Variants in LIPA observed in about 807,000 individuals in gnomAD.
LIPA encodes lipase A, lysosomal acid type, also known as lysosomal acid lipase/cholesteryl ester hydrolase.
LIPA carries 26 observed loss-of-function variants against 40.6 expected under a neutral mutation model. That is an observed-to-expected ratio of 0.64 (90% CI 0.47 to 0.89). The LOEUF (loss-of-function observed/expected upper bound fraction) is 0.89, where lower values mean the gene tolerates loss of function less well. Among genes scored for constraint, LIPA ranks in the 40% least tolerant of loss-of-function variants. The pLI, the probability that LIPA is intolerant of heterozygous loss-of-function variation, is 0.00. For missense variants in LIPA, 455 were observed against 479.6 expected (o/e 0.95, Z 0.48); for synonymous variants, 188 against 168.4 (o/e 1.12, Z -0.90).
At chr10:89,247,357 G>A (rs149560233) in intron 2 of LIPA, among the ~76,000 whole-genome samples, 181 bp downstream of exon 2, 88 of 139,334 alleles carry the variant, frequency 6.3e-4, no homozygotes, top group African/African-American at 2.2e-3. Context: ...GGGCGGGCAG[G>A]TGACAGAGTA....
chr10:89,391,509 C>T (rs908742391), intron 2 of LIPA, among the ~76,000 whole-genome samples: 9 of 152,064 alleles, frequency 5.9e-5, no homozygotes, highest in African/African-American at 2.2e-4. Context: ...AGCCAATGCA[C>T]CCGGACAACA....
chr10:89,325,699 C>T (rs1564786246), intron 1 of LIPA, among the ~76,000 whole-genome samples: 1 of 151,982 alleles, frequency 6.6e-6, no homozygotes, highest in Non-Finnish European at 1.5e-5. Flanking sequence ...GACACTGGGG[C>T]CTACTTGAGG....
intron 2 of LIPA, chr10:89,412,653 C>T (rs780789766): frequency 2.8e-6 from 1 of 355,702 alleles, no homozygotes; most frequent in South Asian, 2.1e-5. Flanking sequence ...AGGTCTACGG[C>T]TTTACTCCTG....
At chr10:89,292,585 G>A (rs982136351) in intron 1 of LIPA, 10 of 152,338 alleles carry the variant, frequency 6.6e-5, no homozygotes, top group African/African-American at 2.2e-4. Flanking sequence ...CATGTGCCAA[G>A]CACTGTTCTC....
At chr10:89,393,073 C>T (rs1844281439) in intron 2 of LIPA, 1 of 1,157,942 alleles carries the variant, frequency 8.6e-7, no homozygotes, top group East Asian at 5.1e-5. Flanking sequence ...AAGGAATGGA[C>T]AGCTTGTCTG....
intron 2 of LIPA, among the ~76,000 whole-genome samples, chr10:89,364,834 A>G (rs1844046519): frequency 6.6e-6 from 1 of 152,124 alleles, no homozygotes; most frequent in African/African-American, 2.4e-5. Flanking sequence ...CTATAGTAAA[A>G]TTAACCAAGA....
chr10:89,258,217 G>A (rs1476176948), intron 1 of LIPA, among the ~76,000 whole-genome samples: 1 of 152,122 alleles, frequency 6.6e-6, no homozygotes, highest in Non-Finnish European at 1.5e-5. Flanking sequence ...AATGGTGCTA[G>A]AACACTTGAA....
chr10:89,278,368 G>A (rs1413191822), intron 1 of LIPA: 2 of 152,224 alleles, frequency 1.3e-5, no homozygotes, highest in African/African-American at 2.4e-5. Context: ...TGATTCAGGA[G>A]GTAATTCTCT....
chr10:89,332,919 G>C (rs1843672114), intron 1 of LIPA, among the ~76,000 whole-genome samples: 2 of 152,210 alleles, frequency 1.3e-5, no homozygotes, highest in African/African-American at 2.4e-5. Context: ...GCCAGTGAAA[G>C]CTGGGGCCTG....
rs143951209 is a variant in LIPA, at chr10:89,293,406, C to T, written c.-1-45757G>A. 2.4e-3 allele frequency among the ~76,000 whole-genome samples: 367 copies of T among 152,300 alleles called. 1 individual carries two copies. Among genetic ancestry groups the T allele is most frequent in the African/African-American group, 8.2e-3 (341 of 41,556 alleles). On this transcript the variant is annotated intron_variant, in intron 1 of 5. Transcript: ENST00000282673. ...AGCAGCCAGATCCCGGCCCCCTTTT[C>T]TCCACCCATATGTAATTCCTCTTAC...
In LIPA at chr10:89,220,330, A is replaced by G. The variant is rs913831422; in HGVS notation, c.894+2181T>C. On this transcript the variant is annotated intron_variant, in intron 8 of 9. Transcript: ENST00000336233. The stretch of plus-strand genomic sequence containing the variant: ...CTCCATCATCTCTGGGGGTGCAATA[A>G]CTGATGAGGTGACAGACATTGGGCC... 3.9e-5 allele frequency among the ~76,000 whole-genome samples: 6 copies of G among 152,138 alleles called. No individual in the cohort carries two copies. The South Asian group carries it at 1.2e-3, about 32-fold the overall frequency.
chr10:89,314,532 G>T (rs1342167009), intron 1 of LIPA: 1 of 152,236 alleles, frequency 6.6e-6, no homozygotes, highest in Admixed American at 6.5e-5. Flanking sequence ...GGTGGGTATG[G>T]TGGTGGGTAC....
chr10:89,311,637 C>T (rs1173394732), intron 1 of LIPA, among the ~76,000 whole-genome samples: 4 of 151,182 alleles, frequency 2.6e-5, no homozygotes. Context: ...TGTAATATAT[C>T]TTCTAATTGT....
intron 1 of LIPA, among the ~76,000 whole-genome samples, chr10:89,264,945 C>G (rs563882216): frequency 6.6e-6 from 1 of 152,288 alleles, no homozygotes; most frequent in African/African-American, 2.4e-5. Flanking sequence ...GGGGAACCCA[C>G]AGGCCCATGC....
intron 1 of LIPA, chr10:89,307,343 A>G: frequency 6.2e-7 from 1 of 1,608,772 alleles, no homozygotes; most frequent in Non-Finnish European, 8.5e-7. Context: ...TGGAAGCCTC[A>G]TCCCTTCAGC....
intron 2 of LIPA, among the ~76,000 whole-genome samples, chr10:89,359,123 A>T (rs1358990513): frequency 1.3e-5 from 2 of 152,114 alleles, no homozygotes; most frequent in Non-Finnish European, 2.9e-5. Context: ...GCTGGAGAGG[A>T]GCAGCCCAAC....
chr10:89,320,742 T>A (rs1167324067), intron 1 of LIPA, among the ~76,000 whole-genome samples: 2 of 152,006 alleles, frequency 1.3e-5, no homozygotes, highest in African/African-American at 2.4e-5. Flanking sequence ...GGAACCAAAA[T>A]AGAGCCTGCA....
intron 1 of LIPA, among the ~76,000 whole-genome samples, chr10:89,264,855 T>G (rs1296384832): frequency 2.0e-5 from 3 of 152,228 alleles, no homozygotes; most frequent in Admixed American, 2.0e-4. Context: ...TCACTGGGAC[T>G]GCCCCTTTCT....
chr10:89,217,948 G>A (rs1325039959), intron 8 of LIPA, among the ~76,000 whole-genome samples: 1 of 152,104 alleles, frequency 6.6e-6, no homozygotes, highest in Non-Finnish European at 1.5e-5. Flanking sequence ...GTATGCCACT[G>A]TCATAAATAT....
Sources: gnomAD v4.1 joint callset for allele counts (sites outside exome capture counted in the v4.1 genomes callset) on GRCh38, gnomAD v4.1.1 for gene constraint, MANE v1.5 for transcripts, NCBI Gene and HGNC (gene_info 2026-07-23, HGNC 2026-07-21) for gene names.